PRKAR1A: variants seen among roughly 807,000 people sequenced by gnomAD.
PRKAR1A encodes cAMP-dependent protein kinase type I-alpha regulatory subunit.
Under a neutral mutation model 52.0 loss-of-function variants are expected in PRKAR1A, and 3 were observed. The observed-to-expected ratio is 0.06, with a 90% CI of 0.03 to 0.15. The LOEUF (loss-of-function observed/expected upper bound fraction) is 0.15, where lower values mean the gene tolerates loss of function less well. Ranked by LOEUF, PRKAR1A falls within the 10% of genes least tolerant of loss-of-function variation. PRKAR1A has a pLI of 1.00. For missense variants in PRKAR1A, 240 were observed against 477.4 expected (o/e 0.50, Z 4.63); for synonymous variants, 188 against 168.4 (o/e 1.12, Z -0.90).
Position 68,517,589 on chromosome 17 carries a change from G to C in PRKAR1A, c.177+2013G>C, listed in dbSNP as rs189879943. Among the ~76,000 whole-genome samples, 633 of 152,274 alleles carry C rather than the reference G, an allele frequency of 4.2e-3. 9 individuals carry two copies. The highest frequency in any genetic ancestry group is 0.028 in the Admixed American group (433 of 15,288). On this transcript the variant is annotated intron_variant, in intron 2 of 10. Coordinates refer to ENST00000589228, the MANE Select transcript of PRKAR1A (RefSeq NM_002734.5). ...CTCACTATCATGATAACAGCATGAGGGTAACCCCCCTGCCATGATTAAGTT... is the reference window on the plus strand; with the variant it reads ...CTCACTATCATGATAACAGCATGAGCGTAACCCCCCTGCCATGATTAAGTT...
At chr17:68,496,431 A>G in the PRKAR1A span, among the ~76,000 whole-genome samples, 2 of 152,156 alleles carry the variant, frequency 1.3e-5, no homozygotes, top group African/African-American at 4.8e-5. Flanking sequence ...CCTCTTCCAC[A>G]TGGAAGGACC....
At chr17:68,543,623 C>T in intron 11 of PRKAR1A, 4 of 1,613,864 alleles carry the variant, frequency 2.5e-6, no homozygotes, top group Non-Finnish European at 3.4e-6. Context: ...TGGGGCCAGA[C>T]CCTACCTGTC....
At chr17:68,435,572 A>C in the PRKAR1A span, 2 of 1,577,182 alleles carry the variant, frequency 1.3e-6, no homozygotes, top group Non-Finnish European at 1.7e-6. Flanking sequence ...GCACGGCAGG[A>C]GCCATCCAGC....
chr17:68,461,095 G>T, the PRKAR1A span, among the ~76,000 whole-genome samples: 2 of 152,054 alleles, frequency 1.3e-5, no homozygotes, highest in Non-Finnish European at 2.9e-5. The surrounding 1 kb of genome is among the most constrained non-coding windows in gnomAD (Gnocchi z 4.6). Context: ...AATGGGGTAG[G>T]TGGGGCAGGG....
the PRKAR1A span, among the ~76,000 whole-genome samples, chr17:68,436,132 T>C: frequency 6.6e-6 from 1 of 152,230 alleles, no homozygotes; most frequent in Non-Finnish European, 1.5e-5. Flanking sequence ...GGGAGACAAC[T>C]GGCCCCCTGC....
downstream of PRKAR1A, among the ~76,000 whole-genome samples, chr17:68,534,059 G>T (rs375544882): frequency 3.3e-4 from 51 of 152,246 alleles, no homozygotes; most frequent in African/African-American, 1.2e-3. Context: ...ATCAGTAAAC[G>T]CTGTAGCTAT....
At chr17:68,537,323 A>G (rs2143439124), downstream of PRKAR1A, 1 of 944,970 alleles carries the variant, frequency 1.1e-6, no homozygotes, top group Admixed American at 1.9e-5. This position sits in a 1 kb window ranked among gnomAD's most constrained non-coding sequence, Gnocchi z 4.2. Context: ...ATTCAGTTCC[A>G]TGGGCCCCAC....
chr17:68,432,242 G>A, the PRKAR1A span, among the ~76,000 whole-genome samples: 1 of 152,128 alleles, frequency 6.6e-6, no homozygotes, highest in Non-Finnish European at 1.5e-5. Flanking sequence ...TTCTAGAGAT[G>A]AGGGGACGTC....
At chr17:68,547,132 G>T (rs2086608956) in intron 11 of PRKAR1A, among the ~76,000 whole-genome samples, 1 of 152,144 alleles carries the variant, frequency 6.6e-6, no homozygotes, top group Admixed American at 6.5e-5. Context: ...TAGAGCACAG[G>T]CAGAGTAAAA....
rs2085977904 is a variant in PRKAR1A at position 68,531,624 on chromosome 17, C to G, written c.*1175C>G. 6 of 1,066,162 alleles carry G rather than the reference C, an allele frequency of 5.6e-6. No homozygotes were observed. The highest frequency in any genetic ancestry group is 1.1e-6 in the Non-Finnish European group (1 of 879,642). 66.0% of individuals were successfully genotyped at this position (1,066,162 alleles called of 1,614,324 possible). ...GGGTTGATGGTAGGGTATAATGTGT[C>G]TGTGTTGCTTCAAATTGGTCTGAAA... On this transcript the variant is annotated 3_prime_UTR_variant, in exon 11 of 11. Coordinates refer to ENST00000589228, the MANE Select transcript of PRKAR1A (RefSeq NM_002734.5).
At chr17:68,468,440 T>C in the PRKAR1A span, among the ~76,000 whole-genome samples, 2 of 152,300 alleles carry the variant, frequency 1.3e-5, no homozygotes, top group South Asian at 4.1e-4. Context: ...AGTATTCCTT[T>C]AATTTTAGGA....
At chr17:68,537,859 T>G, downstream of PRKAR1A, 3 of 1,141,834 alleles carry the variant, frequency 2.6e-6, no homozygotes, top group Admixed American at 2.0e-5. This position sits in a 1 kb window ranked among gnomAD's most constrained non-coding sequence, Gnocchi z 4.2. Context: ...TCCTTGTGTC[T>G]TCTCAGGCAC....
chr17:68,426,987 C>T, the PRKAR1A span: 1 of 666,820 alleles, frequency 1.5e-6, no homozygotes, highest in Non-Finnish European at 2.6e-6. Flanking sequence ...GAGAGCACTC[C>T]ACCCCCAGGT....
At chr17:68,540,963 G>A (rs745871674) in intron 11 of PRKAR1A, 6 of 1,578,224 alleles carry the variant, frequency 3.8e-6, no homozygotes, top group Middle Eastern at 4.4e-4. Flanking sequence ...TCCCACCTGA[G>A]GGGGAGAAGA....
At chr17:68,520,630 A>T (rs1457886522) in intron 2 of PRKAR1A, among the ~76,000 whole-genome samples, 10 of 152,184 alleles carry the variant, frequency 6.6e-5, no homozygotes. Flanking sequence ...AAGAGAAAGG[A>T]TATAAAAATA....
At chr17:68,549,039 A>G (rs2086710339) in intron 11 of PRKAR1A, among the ~76,000 whole-genome samples, 5 of 151,920 alleles carry the variant, frequency 3.3e-5, no homozygotes, top group Admixed American at 3.3e-4. Context: ...GCCTGCCTGT[A>G]TTTGTTTTAA....
chr17:68,537,100 T>C (rs1052571732), downstream of PRKAR1A: 1 of 467,510 alleles, frequency 2.1e-6, no homozygotes, highest in African/African-American at 2.0e-5. This position sits in a 1 kb window ranked among gnomAD's most constrained non-coding sequence, Gnocchi z 4.2. Context: ...GTAGCTAGAA[T>C]AAGGATCCTG....
chr17:68,463,051 T>C, the PRKAR1A span, among the ~76,000 whole-genome samples: 1 of 151,632 alleles, frequency 6.6e-6, no homozygotes, highest in South Asian at 2.1e-4. Context: ...GTGCAGGGAG[T>C]GGTAATCATT....
chr17:68,449,356 G>A, the PRKAR1A span, among the ~76,000 whole-genome samples: 90 of 152,346 alleles, frequency 5.9e-4, no homozygotes, highest in East Asian at 4.4e-3. Context: ...TTGGCCAAGC[G>A]TGGTGGCTCA....
Sources: allele counts gnomAD v4.1 joint callset (sites outside exome capture counted in the v4.1 genomes callset), GRCh38; gene constraint gnomAD v4.1.1; non-coding constraint Gnocchi (gnomAD v3.1); transcripts MANE v1.5; gene names NCBI Gene and HGNC (gene_info 2026-07-23, HGNC 2026-07-21).